Variants in CCDC150 observed in about 807,000 individuals in gnomAD.
The protein encoded by CCDC150 is coiled-coil domain containing 150, also known as coiled-coil domain-containing protein 150.
A neutral mutation model predicts 156.5 loss-of-function variants in CCDC150; 151 were observed. The observed-to-expected ratio is 0.97, with a 90% CI of 0.85 to 1.10. The LOEUF is 1.10. Ranked by LOEUF, CCDC150 falls within the 50% of genes least tolerant of loss-of-function variation. The pLI, the probability that CCDC150 is intolerant of heterozygous loss-of-function variation, is 0.00. For missense variants in CCDC150, 1,312 were observed against 1,268.1 expected, an observed-to-expected ratio of 1.03 and a Z score of -0.53; for synonymous variants, 452 against 429.4, an observed-to-expected ratio of 1.05 and a Z score of -0.65.
intron 17 of CCDC150, among the ~76,000 whole-genome samples, chr2:196,715,546 G>T (rs1251179131): frequency 6.6e-6 from 1 of 152,176 alleles, no homozygotes; most frequent in East Asian, 1.9e-4. Context: ...TAAAAATAAT[G>T]TGAATGTACT....
intron 17 of CCDC150, among the ~76,000 whole-genome samples, chr2:196,716,048 A>C (rs1697477540): frequency 6.6e-6 from 1 of 152,210 alleles, no homozygotes. Context: ...AATAGGCAAA[A>C]ATTTAAACAG....
chr2:196,706,705 T>A (rs1696670439), intron 15 of CCDC150, among the ~76,000 whole-genome samples: 2 of 152,226 alleles, frequency 1.3e-5, no homozygotes, highest in South Asian at 4.1e-4. Flanking sequence ...CCTAGCTTAT[T>A]GAGAGTTTTT....
At chr2:196,639,902 C>T in intron 1 of CCDC150, 124 bp downstream of exon 1, 7 of 852,286 alleles carry the variant, frequency 8.2e-6, no homozygotes, top group Non-Finnish European at 1.1e-5. Flanking sequence ...AGTCTCACTC[C>T]CTGGACCTCA....
At chr2:196,676,996 T>A (rs911602559) in intron 12 of CCDC150, 5 of 657,712 alleles carry the variant, frequency 7.6e-6, no homozygotes, top group African/African-American at 7.1e-5. Context: ...GGTCAGATTT[T>A]AAAAATTGAT....
At chr2:196,658,089 A>G (rs945178231) in intron 4 of CCDC150, among the ~76,000 whole-genome samples, 1 of 152,176 alleles carries the variant, frequency 6.6e-6, no homozygotes, top group African/African-American at 2.4e-5. Flanking sequence ...GAAGTGACAT[A>G]ATGAAAACGG....
intron 27 of CCDC150, 72 bp downstream of exon 27, chr2:196,732,224 C>T (rs1401983063): frequency 6.7e-7 from 1 of 1,496,446 alleles, no homozygotes; most frequent in Non-Finnish European, 9.3e-7. Context: ...TACCGAAGTT[C>T]TCTCATCATC....
chr2:196,680,043 G>A (rs891400458), intron 13 of CCDC150, among the ~76,000 whole-genome samples: 1 of 152,016 alleles, frequency 6.6e-6, no homozygotes. Flanking sequence ...TGTCAGATAT[G>A]TGTTTTATAG....
Position 196,701,115 on chromosome 2 carries a change from C to A in CCDC150, c.1630C>A (p.Gln544Lys). ...CCTTTGTTTGCCTTATCAGCTTGCC[C>A]AACAGAAGGTGGAAAAAATCACTGA... ...QVTSDYHGLAQQKVEKITESK... is the reference protein window; with the variant it reads ...QVTSDYHGLAKQKVEKITESK... The change falls in exon 15 of 28, where the codon CAA becomes AAA. Residue 544 changes from glutamine to lysine, a missense_variant. Gln to Lys is a moderately conservative substitution (Grantham distance 53). Transcript: ENST00000389175. 2 of 1,607,168 alleles carry A rather than the reference C, an allele frequency of 1.2e-6. No individual in the cohort carries two copies. Among genetic ancestry groups the A allele is most frequent in the Non-Finnish European group, 1.7e-6 (2 of 1,176,850 alleles).
At chr2:196,724,070 T>C (rs1441416794) in intron 21 of CCDC150, among the ~76,000 whole-genome samples, 1 of 152,160 alleles carries the variant, frequency 6.6e-6, no homozygotes, top group Non-Finnish European at 1.5e-5. Context: ...CCTTTGGGAC[T>C]AGCGGGAAGC....
chr2:196,676,511 A>T lies in CCDC150; in HGVS notation c.1263-43A>T, dbSNP rs1051516014. 7.3e-6 allele frequency: 11 copies of T among 1,509,936 alleles called. No individual in the cohort carries two copies. In the African/African-American group the frequency reaches 1.5e-4, roughly 21 times the overall value. The allele number at this position is 1,509,936 out of a possible 1,614,324, so 93.5% of individuals were successfully genotyped here. On this transcript the variant is annotated intron_variant, in intron 11 of 27. Coordinates refer to ENST00000389175, the MANE Select transcript of CCDC150 (RefSeq NM_001080539.2). ...TTAATTGCTCTTTCTGTTAAATTAG[A>T]ACTCTAATTTAGCTTTCATATGTTC...
rs771451230 is a variant in CCDC150 at position 196,726,054 on chromosome 2, C to A, written c.2511C>A (p.Thr837=). The part of the protein sequence containing the change: ...RIEALRKQFQ[T]ERETTKKVAQ... ...AAGCTCTAAGAAAGCAGTTTCAAAC[C>A]GAGAGAGAAACTACAAAGAAAGTGG... Residue 837 remains threonine (T), a synonymous_variant, in exon 22 of 28, where the codon ACC becomes ACA. Coordinates refer to ENST00000389175, the MANE Select transcript of CCDC150 (RefSeq NM_001080539.2). 6.2e-7 allele frequency: 1 copy of A among 1,612,420 alleles called. No homozygotes were observed. Among genetic ancestry groups the A allele is most frequent in the Non-Finnish European group, 8.5e-7 (1 of 1,179,240 alleles).
intron 19 of CCDC150, 82 bp from the exon 20 acceptor site, chr2:196,720,491 GAA>G: frequency 9.3e-7 from 1 of 1,076,892 alleles, no homozygotes; most frequent in Non-Finnish European, 1.4e-6. Flanking sequence ...CTTCTTAGAA[GAA>G]AAGTGTTCTG....
intron 4 of CCDC150, chr2:196,657,467 G>A: frequency 9.0e-6 from 2 of 223,200 alleles, no homozygotes; most frequent in African/African-American, 2.3e-5. Context: ...ATTAAATAAG[G>A]AAAAAATAAG....
Position 196,646,346 on chromosome 2 carries a change from T to C in CCDC150, c.18T>C (p.His6=), listed in dbSNP as rs764635996. The change falls in exon 2 of 28, where the codon CAT becomes CAC. Residue 6 remains histidine, a synonymous_variant. Coordinates refer to ENST00000389175, the MANE Select transcript of CCDC150 (RefSeq NM_001080539.2). The part of the protein sequence containing the change: MDCKV[H]METTVSRPVL... ...GATTGTGACTGTATTCTTAGGTACA[T>C]ATGGAAACTACAGTGTCCAGACCGG... 23 of 1,613,514 alleles carry C rather than the reference T, an allele frequency of 1.4e-5. No homozygotes were observed. Among genetic ancestry groups the C allele is most frequent in the Non-Finnish European group, 1.9e-5 (23 of 1,179,576 alleles).
chr2:196,667,916 A>T (rs1341621630), intron 7 of CCDC150: 1 of 152,232 alleles, frequency 6.6e-6, no homozygotes, highest in Non-Finnish European at 1.5e-5. Context: ...CTACAAAAAT[A>T]CATGTATATT....
chr2:196,658,998 T>C (rs112342041), intron 5 of CCDC150, 138 bp downstream of exon 5: 20 of 627,086 alleles, frequency 3.2e-5, no homozygotes, highest in African/African-American at 1.1e-4. Flanking sequence ...ATATGCCACA[T>C]TGAATTCAAG....
chr2:196,712,034 T>TTAA, intron 15 of CCDC150, 111 bp from the exon 16 acceptor site: 1 of 351,596 alleles, frequency 2.8e-6, no homozygotes, highest in Non-Finnish European at 5.1e-6. Context: ...TTTTTTTTTT[T>TTAA]ACAACTCATG....
At position 196,712,176 on chromosome 2, in the gene CCDC150, A is replaced by G. The variant is rs751379310; in HGVS notation, c.1727A>G (p.Gln576Arg). Residue 576 changes from glutamine (Q) to arginine (R), a missense_variant, in exon 16 of 28, where the codon CAG (glutamine) becomes CGG (arginine). Gln to Arg is a conservative substitution (Grantham distance 43, BLOSUM62 1). Coordinates refer to ENST00000389175, the MANE Select transcript of CCDC150 (RefSeq NM_001080539.2). Reference sequence around the variant, plus strand: ...GTTAAACAGCTAGAAGAACAAGTACAGTCTTTTACTGACACCAGCTTACAG... The same window carrying G: ...GTTAAACAGCTAGAAGAACAAGTACGGTCTTTTACTGACACCAGCTTACAG... ...IKVKQLEEQV[Q>R]SFTDTSLQND... is the part of the protein sequence containing the mutation. 3.2e-5 allele frequency: 50 copies of G among 1,580,314 alleles called. No homozygotes were observed. Among genetic ancestry groups the G allele is most frequent in the South Asian group, 2.4e-4 (20 of 84,818 alleles).
Position 196,676,567 on chromosome 2 carries a change from CT to C in CCDC150, c.1278del (p.Glu427SerfsTer23). The C allele has an allele frequency of 6.2e-7, 1 of 1,612,300 alleles. No homozygotes were observed. The highest frequency in any genetic ancestry group is 8.5e-7 in the Non-Finnish European group (1 of 1,179,192). On this transcript the variant is annotated frameshift_variant, in exon 12 of 28. Coordinates refer to ENST00000389175, the MANE Select transcript of CCDC150 (RefSeq NM_001080539.2). LOFTEE classifies it high-confidence loss of function. ...CTCTTCCTGCAGGGATCATTTAATC[CT>C]TGAGCATAACCAGTGTATCCAGAAA... is the stretch of plus-strand genomic sequence containing the variant. ...QLQAHLDHLI[L>X]EHNQCIQKAQ...
Sources: allele counts gnomAD v4.1 joint callset (sites outside exome capture counted in the v4.1 genomes callset), GRCh38; gene constraint gnomAD v4.1.1; transcripts MANE v1.5; gene names NCBI Gene and HGNC (gene_info 2026-07-23, HGNC 2026-07-21).